EDIL3: variants seen among roughly 807,000 people sequenced by gnomAD.
EDIL3 encodes the protein EGF like and discoidin domains 3, also known as EGF-like repeat and discoidin I-like domain-containing protein 3.
A neutral mutation model predicts 67.4 loss-of-function variants in EDIL3; 37 were observed. That is an observed-to-expected ratio of 0.55 (90% CI 0.42 to 0.72). EDIL3 has a LOEUF of 0.72. Among genes scored for constraint, EDIL3 ranks in the 30% least tolerant of loss-of-function variants. EDIL3 has a pLI of 0.00. For missense variants in EDIL3, 527 were observed against 586.3 expected (o/e 0.90, Z 1.04); for synonymous variants, 195 against 196.3 (o/e 0.99, Z 0.05).
At chr5:84,015,332 A>T (rs1436716603) in intron 9 of EDIL3, among the ~76,000 whole-genome samples, 1 of 152,238 alleles carries the variant, frequency 6.6e-6, no homozygotes, top group Non-Finnish European at 1.5e-5. Flanking sequence ...ATTGCACAGT[A>T]GGTGGCAGAG....
At chr5:84,280,114 C>T (rs1166814094) in intron 1 of EDIL3, among the ~76,000 whole-genome samples, 1 of 152,176 alleles carries the variant, frequency 6.6e-6, no homozygotes, top group Non-Finnish European at 1.5e-5. Flanking sequence ...AATGTTTCTA[C>T]ATCTTTGCTT....
At chr5:84,249,384 T>C (rs1180775492) in intron 2 of EDIL3, among the ~76,000 whole-genome samples, 1 of 91,376 alleles carries the variant, frequency 1.1e-5, no homozygotes, top group Non-Finnish European at 2.5e-5. Context: ...TCTTTCTATC[T>C]ATCTATCTAT....
At chr5:83,946,148 T>A (rs142908062) in intron 10 of EDIL3, among the ~76,000 whole-genome samples, 19 of 152,098 alleles carry the variant, frequency 1.2e-4, no homozygotes, top group African/African-American at 4.6e-4. Flanking sequence ...TTTAGAGACA[T>A]AAGCATCTGA....
chr5:84,095,082 A>G (rs1214273513), intron 6 of EDIL3, among the ~76,000 whole-genome samples: 1 of 152,210 alleles, frequency 6.6e-6, no homozygotes, highest in African/African-American at 2.4e-5. Context: ...ATCATCAAGC[A>G]AAAGTGTTTT....
intron 1 of EDIL3, among the ~76,000 whole-genome samples, chr5:84,337,770 T>C (rs936650020): frequency 1.3e-5 from 2 of 152,152 alleles, no homozygotes; most frequent in East Asian, 1.9e-4. Context: ...ATTTCTTCTA[T>C]AATGGTGTGA....
intron 4 of EDIL3, among the ~76,000 whole-genome samples, chr5:84,176,181 AATATATATATATATATAATATATATAT>A (rs1318129735): frequency 4.6e-5 from 4 of 86,466 alleles, no homozygotes; most frequent in East Asian, 3.4e-4. Flanking sequence ...AGTGGTAAAA[AATATATATATATATATAATATATATAT>A]ATATATATAT....
At chr5:84,095,785 A>G (rs943925949) in intron 6 of EDIL3, among the ~76,000 whole-genome samples, 1 of 152,212 alleles carries the variant, frequency 6.6e-6, no homozygotes, top group Non-Finnish European at 1.5e-5. Flanking sequence ...TTGCATAAGT[A>G]ATGAGGAGCT....
At chr5:84,258,831 T>G (rs1163180181) in intron 1 of EDIL3, among the ~76,000 whole-genome samples, 1 of 152,132 alleles carries the variant, frequency 6.6e-6, no homozygotes, top group Non-Finnish European at 1.5e-5. Flanking sequence ...ACGGTAGGGA[T>G]TTCTGATCCT....
At chr5:84,173,851 C>T (rs114235656) in intron 4 of EDIL3, among the ~76,000 whole-genome samples, 108 of 152,222 alleles carry the variant, frequency 7.1e-4, no homozygotes, top group African/African-American at 2.3e-3. Context: ...GGCACTCCTC[C>T]GGGAATTAGG....
intron 1 of EDIL3, among the ~76,000 whole-genome samples, chr5:84,381,002 T>A (rs1206412848): frequency 6.6e-6 from 1 of 152,074 alleles, no homozygotes; most frequent in East Asian, 1.9e-4. Flanking sequence ...TGTCAATATA[T>A]TTGAGAAAAT....
At position 84,066,486 on chromosome 5, in the gene EDIL3, C is replaced by A. The variant is rs1746643559; in HGVS notation, c.772G>T (p.Ala258Ser). 2 of 1,612,360 alleles carry A rather than the reference C, an allele frequency of 1.2e-6. No homozygotes were observed. Among genetic ancestry groups the A allele is most frequent in the Non-Finnish European group, 8.5e-7 (1 of 1,179,472 alleles). ...TTGGTGCCTTTCACTTTGTACATTG[C>A]CCAAGTCTTTCCATCATTACTGTAG... ...IAYSNDGKTW[A>S]MYKVKGTNED... is the part of the protein sequence containing the mutation. Residue 258 changes from alanine (A) to serine (S), a missense_variant, in exon 7 of 11, where the codon GCA becomes TCA. Physicochemically the swap from Ala to Ser is moderately conservative, Grantham distance 99 (BLOSUM62 1). Transcript: ENST00000296591.
intron 1 of EDIL3, among the ~76,000 whole-genome samples, chr5:84,376,199 G>C (rs1747962977): frequency 6.6e-6 from 1 of 152,106 alleles, no homozygotes; most frequent in African/African-American, 2.4e-5. Context: ...AATTAAAGAT[G>C]ATAATTAGAA....
At chr5:84,111,124 C>T (rs957535656) in intron 5 of EDIL3, among the ~76,000 whole-genome samples, 1 of 152,148 alleles carries the variant, frequency 6.6e-6, no homozygotes, top group Non-Finnish European at 1.5e-5. Context: ...CATAGGAAGA[C>T]ATGCTTGCTT....
At chr5:84,384,218 C>G (rs947905214) in intron 1 of EDIL3, 90 bp downstream of exon 1, 3 of 1,489,060 alleles carry the variant, frequency 2.0e-6, no homozygotes, top group Non-Finnish European at 1.8e-6. Context: ...CTTGGCACGC[C>G]GGAGGGACCG....
chr5:84,071,523 T>C (rs1746740595), intron 6 of EDIL3, among the ~76,000 whole-genome samples: 1 of 152,174 alleles, frequency 6.6e-6, no homozygotes, highest in Non-Finnish European at 1.5e-5. Flanking sequence ...TGATACTGGA[T>C]AATTGGACAT....
At chr5:84,233,732 T>C (rs1282925801) in intron 2 of EDIL3, among the ~76,000 whole-genome samples, 2 of 152,038 alleles carry the variant, frequency 1.3e-5, no homozygotes, top group African/African-American at 4.8e-5. Flanking sequence ...GGAGAGGCTC[T>C]TGGAAAAAAA....
chr5:84,066,239 T>G (rs1746637904), intron 7 of EDIL3, among the ~76,000 whole-genome samples: 1 of 152,108 alleles, frequency 6.6e-6, no homozygotes, highest in Admixed American at 6.6e-5. Flanking sequence ...CACCACCAAT[T>G]AAAATCTGTG....
At chr5:84,081,163 A>G (rs1225116238) in intron 6 of EDIL3, among the ~76,000 whole-genome samples, 1 of 152,150 alleles carries the variant, frequency 6.6e-6, no homozygotes, top group Non-Finnish European at 1.5e-5. Flanking sequence ...GGCCAGGTAT[A>G]ACCATTTCAT....
chr5:84,088,698 G>A (rs749228396), intron 6 of EDIL3, among the ~76,000 whole-genome samples: 1 of 152,084 alleles, frequency 6.6e-6, no homozygotes, highest in Non-Finnish European at 1.5e-5. Flanking sequence ...ATAGAAGCAA[G>A]AAAATGTGAC....
Sources: gnomAD v4.1 joint callset for allele counts (sites outside exome capture counted in the v4.1 genomes callset) on GRCh38, gnomAD v4.1.1 for gene constraint, MANE v1.5 for transcripts, NCBI Gene and HGNC (gene_info 2026-07-23, HGNC 2026-07-21) for gene names.